IGFN1: variants seen among roughly 807,000 people sequenced by gnomAD.
The protein encoded by IGFN1 is immunoglobulin-like and fibronectin type III domain-containing protein 1.
A neutral mutation model predicts 289.5 loss-of-function variants in IGFN1; 253 were observed. The ratio of observed to expected loss-of-function variants is 0.87; its 90% confidence interval spans 0.79 to 0.97. The LOEUF (loss-of-function observed/expected upper bound fraction) is 0.97. Among genes scored for constraint, IGFN1 ranks in the 50% least tolerant of loss-of-function variants. IGFN1 has a pLI of 0.00. For synonymous variants in IGFN1, 1,706 were observed against 1,788.5 expected (o/e 0.95, Z 1.16); for missense variants, 4,470 against 4,686.1 (o/e 0.95, Z 1.35).
chr1:201,209,293 C>T lies in IGFN1; in HGVS notation c.4400C>T (p.Pro1467Leu). The T allele has an allele frequency of 6.7e-7, 1 of 1,483,566 alleles. No homozygotes were observed. The highest frequency in any genetic ancestry group is 8.9e-7 in the Non-Finnish European group (1 of 1,128,240). 91.9% of individuals were successfully genotyped at this position (1,483,566 alleles called of 1,614,324 possible). Residue 1467 changes from proline (P) to leucine (L), a missense_variant, in exon 12 of 24, where the codon CCT becomes CTT. Around this residue, in one of 8 missense-constraint regions of IGFN1, gnomAD observed 2,011 missense variants for 1,953.4 expected, o/e 1.03. Coordinates refer to ENST00000335211, the MANE Select transcript of IGFN1 (RefSeq NM_001164586.2). ...GGTTATAGGAAAAATTTGGGAGCTC[C>T]TGAGAGAATGGATTCAGGGAGCAAG... is the stretch of plus-strand genomic sequence containing the variant. The part of the protein sequence containing the change: ...EAGYRKNLGA[P>L]ERMDSGSKAG...
chr1:201,224,044 G>T lies in IGFN1; in HGVS notation c.10291-635G>T, dbSNP rs115507815. Among the ~76,000 whole-genome samples, 628 of 152,240 alleles carry T rather than the reference G, an allele frequency of 4.1e-3. 8 individuals carry two copies. Among genetic ancestry groups the T allele is most frequent in the African/African-American group, 0.014 (601 of 41,546 alleles). On this transcript the variant is annotated intron_variant, in intron 20 of 23. Coordinates refer to ENST00000335211, the MANE Select transcript of IGFN1 (RefSeq NM_001164586.2). ...TAAATTCTCAGAACAATCCTGTGAG[G>T]TCAGTTAGTGACTATCAGCATCTTC... is the stretch of plus-strand genomic sequence containing the variant.
Position 201,221,749 on chromosome 1 carries a change from G to A in IGFN1, c.10201+3G>A. 6.3e-7 allele frequency: 1 copy of A among 1,577,244 alleles called. No homozygotes were observed. The highest frequency in any genetic ancestry group is 8.6e-7 in the Non-Finnish European group (1 of 1,158,652). On this transcript the variant is annotated splice_donor_region_variant and intron_variant, in intron 19 of 23. Transcript: ENST00000335211. ...AGTGCAAGCCATGCCTGTTACTGGT[G>A]AGTGCTGCCTCCTTCCCCGACCCCT... is the stretch of plus-strand genomic sequence containing the variant.
At chr1:201,217,028 T>A (rs1191436161) in intron 16 of IGFN1, among the ~76,000 whole-genome samples, 1 of 152,044 alleles carries the variant, frequency 6.6e-6, no homozygotes, top group Admixed American at 6.5e-5. Context: ...GCCTCCAACA[T>A]CCTATCAGAG....
rs1653318095 is a variant in IGFN1, at chr1:201,216,618, G to GC, written c.9465dup (p.Ala3156ArgfsTer2). On this transcript the variant is annotated frameshift_variant, in exon 16 of 24. Coordinates refer to ENST00000335211, the MANE Select transcript of IGFN1 (RefSeq NM_001164586.2). LOFTEE classifies it high-confidence loss of function. The stretch of plus-strand genomic sequence containing the variant: ...GAGCACTTGGCTGAAGGTGGGCGAG[G>GC]CCCCCGCTGACAGCACCACCTTCAC... 1 of 1,613,868 alleles carries GC rather than the reference G, an allele frequency of 6.2e-7. No homozygotes were observed. The highest frequency in any genetic ancestry group is 1.1e-5 in the South Asian group (1 of 91,082).
chr1:201,198,764 A>G (rs1667019050), intron 5 of IGFN1, among the ~76,000 whole-genome samples: 1 of 152,216 alleles, frequency 6.6e-6, no homozygotes, highest in Non-Finnish European at 1.5e-5. Flanking sequence ...AGGCTTTCTC[A>G]GAAATTCCTG....
chr1:201,199,744 A>C (rs899855491), intron 7 of IGFN1, 90 bp downstream of exon 7: 1 of 1,132,152 alleles, frequency 8.8e-7, no homozygotes, highest in Non-Finnish European at 1.3e-6. Flanking sequence ...CTTGAGCCCC[A>C]CCTCTACCCA....
Position 201,224,833 on chromosome 1 carries a change from A to G in IGFN1, c.10445A>G (p.Gln3482Arg). The G allele has an allele frequency of 6.2e-7, 1 of 1,613,998 alleles. No homozygotes were observed. Among genetic ancestry groups the G allele is most frequent in the East Asian group, 2.2e-5 (1 of 44,884 alleles). The part of the protein sequence containing the change: ...GLYTVVLRTL[Q>R]GKEVAHSFRI... ...TACACTGTGGTGCTGAGGACCCTGC[A>G]GGGGAAGGAGGTTGCCCACAGCTTC... The change falls in exon 21 of 24, where the codon CAG (glutamine) becomes CGG (arginine). Residue 3482 changes from glutamine (Q) to arginine (R), a missense_variant. Transcript: ENST00000335211.
Position 201,213,460 on chromosome 1 carries a change from T to G in IGFN1, c.8567T>G (p.Met2856Arg), listed in dbSNP as rs561813872. ...GAGAACTGGGGGTGCCTGGAGGAGA[T>G]GCTGAATGAAGATCAGAGCCGGGAG... ...MGENWGCLEEMLNEDQSREPP... is the reference protein window; with the variant it reads ...MGENWGCLEERLNEDQSREPP... The change falls in exon 12 of 24, where the codon ATG (methionine) becomes AGG (arginine). Residue 2856 changes from methionine to arginine, a missense_variant. Met to Arg is a moderately conservative substitution (Grantham distance 91). Coordinates refer to ENST00000335211, the MANE Select transcript of IGFN1 (RefSeq NM_001164586.2). 10 of 1,613,750 alleles carry G rather than the reference T, an allele frequency of 6.2e-6. No homozygotes were observed. The highest frequency in any genetic ancestry group is 2.7e-5 in the African/African-American group (2 of 74,820).
At position 201,226,920 on chromosome 1, in the gene IGFN1, G is replaced by A. The variant is rs760981495; in HGVS notation, c.10825G>A (p.Asp3609Asn). ...TVKAPCYREP[D>N]LSQKPRFLVG... ...GAAGGCTCCGTGCTACCGGGAGCCC[G>A]ACCTGAGCCAGAAGCCCCGGTTCCT... The change falls in exon 23 of 24, where the codon GAC becomes AAC. Residue 3609 changes from aspartate (D) to asparagine (N), a missense_variant. By Grantham distance (23) the Asp-to-Asn change is conservative. Around this residue, in one of 8 missense-constraint regions of IGFN1, gnomAD observed 2,218 missense variants for 2,114.1 expected, o/e 1.05. Transcript: ENST00000335211. 9 of 1,608,430 alleles carry A rather than the reference G, an allele frequency of 5.6e-6. No homozygotes were observed. Among genetic ancestry groups the A allele is most frequent in the East Asian group, 2.2e-5 (1 of 44,780 alleles).
Position 201,207,250 on chromosome 1 carries a change from G to A in IGFN1, c.2357G>A (p.Gly786Asp). 2.0e-6 allele frequency: 3 copies of A among 1,536,770 alleles called. No individual in the cohort carries two copies. Among genetic ancestry groups the A allele is most frequent in the South Asian group, 2.4e-5 (2 of 84,062 alleles). Residue 786 changes from glycine to aspartate, a missense_variant, in exon 12 of 24, where the codon GGT (glycine) becomes GAT (aspartate). By Grantham distance (94) the Gly-to-Asp change is moderately conservative. Around this residue, in one of 8 missense-constraint regions of IGFN1, gnomAD observed 2,011 missense variants for 1,953.4 expected, o/e 1.03. Coordinates refer to ENST00000335211, the MANE Select transcript of IGFN1 (RefSeq NM_001164586.2). ...CCAGGAGACCCCAGAGGCTGCGAAG[G>A]TGTCCTACAGGAGCTCAGGGGAAGG... ...GGPGDPRGCE[G>D]VLQELRGRDG...
chr1:201,205,248 C>T lies in IGFN1; in HGVS notation c.1083C>T (p.Asp361=), dbSNP rs367631324. The part of the protein sequence containing the change: ...SDKYEVYVSP[D]GLTHRLVVRG... Reference sequence around the variant, plus strand: ...AATATGAAGTGTATGTGTCCCCTGACGGGCTGACCCACCGGCTGGTGGTGA... The same window carrying T: ...AATATGAAGTGTATGTGTCCCCTGATGGGCTGACCCACCGGCTGGTGGTGA... Residue 361 remains aspartate, a synonymous_variant, in exon 11 of 24, where the codon GAC becomes GAT. Coordinates refer to ENST00000335211, the MANE Select transcript of IGFN1 (RefSeq NM_001164586.2). 1.4e-4 allele frequency: 220 copies of T among 1,550,992 alleles called. No individual in the cohort carries two copies. The highest frequency in any genetic ancestry group is 1.7e-4 in the Non-Finnish European group (191 of 1,146,952).
Position 201,193,320 on chromosome 1 carries a change from C to G in IGFN1, c.7+20C>G. On this transcript the variant is annotated intron_variant, in intron 2 of 23. Coordinates refer to ENST00000335211, the MANE Select transcript of IGFN1 (RefSeq NM_001164586.2). The stretch of plus-strand genomic sequence containing the variant: ...TGGCAGGTAAGAGAAGAACTAATCT[C>G]CCCTCCCCAGCCCTCCCTGGCGATC... 2 of 1,535,430 alleles carry G rather than the reference C, an allele frequency of 1.3e-6. No homozygotes were observed. The highest frequency in any genetic ancestry group is 1.8e-6 in the Non-Finnish European group (2 of 1,131,898).
In IGFN1 at chr1:201,208,858, C is replaced by T. The variant is rs1667565716; in HGVS notation, c.3965C>T (p.Ala1322Val). ...GGGGCAATGGGGTCAATGGATGAAGCAGGTTATAGGAAAGATTTAGGGGCT... is the reference window on the plus strand; with the variant it reads ...GGGGCAATGGGGTCAATGGATGAAGTAGGTTATAGGAAAGATTTAGGGGCT... ...GSGAMGSMDEAGYRKDLGAPE... is the reference protein window; with the variant it reads ...GSGAMGSMDEVGYRKDLGAPE... Residue 1322 changes from alanine (A) to valine (V), a missense_variant, in exon 12 of 24, where the codon GCA (alanine) becomes GTA (valine). By Grantham distance (64) the Ala-to-Val change is moderately conservative. Around this residue, in one of 8 missense-constraint regions of IGFN1, gnomAD observed 2,011 missense variants for 1,953.4 expected, o/e 1.03. Transcript: ENST00000335211. 6.5e-7 allele frequency: 1 copy of T among 1,535,860 alleles called. No homozygotes were observed.
rs1164154719 is a variant in IGFN1, at chr1:201,208,250, T to A, written c.3357T>A (p.Gly1119=). The A allele has an allele frequency of 2.6e-6, 4 of 1,535,426 alleles. No homozygotes were observed. The highest frequency in any genetic ancestry group is 2.0e-5 in the Admixed American group (1 of 50,876). ...GCTCTGGAAGAATAAGGCCTTGGGG[T>A]CAGACTGGAAATTATGGGGGCTTCA... The part of the protein sequence containing the change: ...PESSGRIRPW[G]QTGNYGGFRA... The change falls in exon 12 of 24, where the codon GGT becomes GGA. Residue 1119 remains glycine, a synonymous_variant. Coordinates refer to ENST00000335211, the MANE Select transcript of IGFN1 (RefSeq NM_001164586.2).
Position 201,206,714 on chromosome 1 carries a change from G to C in IGFN1, c.1821G>C (p.Lys607Asn), listed in dbSNP as rs1173932209. 1 of 1,536,774 alleles carries C rather than the reference G, an allele frequency of 6.5e-7. No homozygotes were observed. Among genetic ancestry groups the C allele is most frequent in the Admixed American group, 2.0e-5 (1 of 50,974 alleles). Residue 607 changes from lysine (K) to asparagine (N), a missense_variant, in exon 12 of 24, where the codon AAG (lysine) becomes AAC (asparagine). Transcript: ENST00000335211. ...CTCGACTGGGACCTGGGAGAGGAAA[G>C]AGCGACCTGCAGGGATGCCAGTCTG... ...WDARLGPGRGKSDLQGCQSDP... is the reference protein window; with the variant it reads ...WDARLGPGRGNSDLQGCQSDP...
chr1:201,201,465 A>G (rs1667154864), intron 8 of IGFN1, among the ~76,000 whole-genome samples: 5 of 152,174 alleles, frequency 3.3e-5, no homozygotes, highest in Non-Finnish European at 7.3e-5. Flanking sequence ...AAGTACAGAT[A>G]GATGGAAAAG....
At chr1:201,219,130 C>A (rs1653541835) in intron 18 of IGFN1, among the ~76,000 whole-genome samples, 1 of 152,206 alleles carries the variant, frequency 6.6e-6, no homozygotes, top group South Asian at 2.1e-4. Context: ...GCAGGCCAGC[C>A]CCCAAGCTGG....
At chr1:201,217,676 A>G (rs1007027406) in intron 17 of IGFN1, among the ~76,000 whole-genome samples, 6 of 152,118 alleles carry the variant, frequency 3.9e-5, no homozygotes, top group African/African-American at 7.2e-5. Flanking sequence ...CTCCTACAGT[A>G]TACAGGACAG....
chr1:201,196,055 C>G, intron 4 of IGFN1, 77 bp downstream of exon 4: 4 of 1,429,340 alleles, frequency 2.8e-6, no homozygotes, highest in Admixed American at 2.1e-5. Flanking sequence ...TTGGCAGCCT[C>G]CAATCCCTAG....
Sources: gnomAD v4.1 joint callset for allele counts (sites outside exome capture counted in the v4.1 genomes callset) on GRCh38, gnomAD v4.1.1 for gene constraint, gnomAD v4.1.1 regional missense constraint, MANE v1.5 for transcripts, NCBI Gene and HGNC (gene_info 2026-07-23, HGNC 2026-07-21) for gene names.